The following CDKL1 variants were observed in gnomAD, a reference collection of about 807,000 sequenced individuals.
CDKL1 encodes the protein cyclin dependent kinase like 1, also known as cyclin-dependent kinase-like 1.
In CDKL1, 41 loss-of-function variants were observed where a neutral mutation model predicts 42.0. That is an observed-to-expected ratio of 0.98 (90% CI 0.76 to 1.27). The LOEUF is 1.27. Among genes scored for constraint, CDKL1 ranks in the 50% most tolerant of loss-of-function variants. The pLI is 0.00. For missense variants in CDKL1, 394 were observed against 428.4 expected, an observed-to-expected ratio of 0.92 and a Z score of 0.71; for synonymous variants, 153 against 158.6, an observed-to-expected ratio of 0.96 and a Z score of 0.26.
In CDKL1 at chr14:50,326,283, C is replaced by A; in HGVS notation, c.*3791G>T. The stretch of plus-strand genomic sequence containing the variant: ...GGTAACATTTTAATTCTAATATATT[C>A]ATTTAATATGTAAATCTATAGATAT... On this transcript the variant is annotated 3_prime_UTR_variant, in exon 10 of 10. Coordinates refer to ENST00000395834, the MANE Select transcript of CDKL1 (RefSeq NM_004196.7). The A allele has an allele frequency of 6.8e-6, 3 of 439,284 alleles. No homozygotes were observed. The highest frequency in any genetic ancestry group is 9.0e-6 in the Non-Finnish European group (3 of 332,412). The allele number at this position is 439,284 out of a possible 1,614,324, so 27.2% of individuals were successfully genotyped here. A position where few individuals can be genotyped will look rare whatever the true frequency, so the allele number is the denominator to read the frequency against.
intron 2 of CDKL1, among the ~76,000 whole-genome samples, chr14:50,393,010 G>A (rs909591496): frequency 3.3e-5 from 5 of 152,000 alleles, no homozygotes; most frequent in Non-Finnish European, 7.4e-5. Flanking sequence ...TCTCTCCCTG[G>A]CCTGTTAGCA....
In CDKL1 at chr14:50,360,529, TC is replaced by T. The variant is rs549830538; in HGVS notation, c.169-1381del. Among the ~76,000 whole-genome samples, 620 of 152,284 alleles carry T rather than the reference TC, an allele frequency of 4.1e-3. 4 individuals carry two copies. Among genetic ancestry groups the T allele is most frequent in the African/African-American group, 0.014 (580 of 41,558 alleles). On this transcript the variant is annotated intron_variant, in intron 2 of 9. Transcript: ENST00000395834. Reference sequence around the variant, plus strand: ...TTCAAGTGATTCTCTTGCCTCAGCTTCCTGAATAGCTGAGACTACAGGTGCA... The same window carrying T: ...TTCAAGTGATTCTCTTGCCTCAGCTTCTGAATAGCTGAGACTACAGGTGCA...
At chr14:50,387,078 A>G (rs1193595518) in intron 2 of CDKL1, among the ~76,000 whole-genome samples, 1 of 151,724 alleles carries the variant, frequency 6.6e-6, no homozygotes, top group Non-Finnish European at 1.5e-5. Flanking sequence ...GTGGTGATGC[A>G]TGCCTGTAGT....
Position 50,358,931 on chromosome 14 carries a change from C to T in CDKL1, c.290+97G>A, listed in dbSNP as rs185428112. On this transcript the variant is annotated intron_variant, in intron 3 of 9. Coordinates refer to ENST00000395834, the MANE Select transcript of CDKL1 (RefSeq NM_004196.7). ...CTGGGATTACTGGCATGAGCCACTG[C>T]ACCCGGCCTTACCTAGTCTTAAAAA... is the stretch of plus-strand genomic sequence containing the variant. 170 of 1,241,102 alleles carry T rather than the reference C, an allele frequency of 1.4e-4. No homozygotes were observed. The African/African-American group carries it at 1.9e-3, about 14-fold the overall frequency. The allele number at this position is 1,241,102 out of a possible 1,614,324, so 76.9% of individuals were successfully genotyped here. A position where few individuals can be genotyped will look rare whatever the true frequency, so the allele number is the denominator to read the frequency against.
At chr14:50,393,831 T>C (rs1157401591) in intron 2 of CDKL1, among the ~76,000 whole-genome samples, 1 of 152,190 alleles carries the variant, frequency 6.6e-6, no homozygotes, top group Non-Finnish European at 1.5e-5. Context: ...CACAACCCCA[T>C]CCTTTGGAGG....
At chr14:50,363,625 T>C (rs2034350613) in intron 2 of CDKL1, among the ~76,000 whole-genome samples, 1 of 152,244 alleles carries the variant, frequency 6.6e-6, no homozygotes, top group Non-Finnish European at 1.5e-5. Context: ...TAGAATTCTC[T>C]TTCCATTTTC....
chr14:50,335,295 CA>C (rs55777134), intron 7 of CDKL1, among the ~76,000 whole-genome samples: 15,057 of 54,152 alleles, frequency 0.28, 490 homozygotes, highest in Non-Finnish European at 0.29. Flanking sequence ...GACCCTGTCT[CA>C]AAAAAAAAAA....
In CDKL1 at chr14:50,334,559, T is replaced by G; in HGVS notation, c.795+6A>C. 6.4e-7 allele frequency: 1 copy of G among 1,566,026 alleles called. No individual in the cohort carries two copies. The highest frequency in any genetic ancestry group is 8.8e-7 in the Non-Finnish European group (1 of 1,136,500). On this transcript the variant is annotated splice_donor_region_variant and intron_variant, in intron 8 of 9. Coordinates refer to ENST00000395834, the MANE Select transcript of CDKL1 (RefSeq NM_004196.7). ...TTCCTGGTCTGTTGGAAGCCATGAT[T>G]TTTACCTTTAGGAGCCCCAGGGCAG...
chr14:50,332,221 C>T, intron 9 of CDKL1, 41 bp downstream of exon 9: 3 of 1,614,198 alleles, frequency 1.9e-6, no homozygotes, highest in Non-Finnish European at 2.5e-6. Context: ...TTCCAACTCT[C>T]TGTACCAGGT....
At chr14:50,349,396 A>G (rs2033828341) in intron 3 of CDKL1, among the ~76,000 whole-genome samples, 1 of 152,192 alleles carries the variant, frequency 6.6e-6, no homozygotes, top group East Asian at 1.9e-4. Context: ...GAAGCCCCTC[A>G]TGGATGCAGT....
chr14:50,382,450 C>A (rs1031603626), intron 2 of CDKL1, among the ~76,000 whole-genome samples: 2 of 150,840 alleles, frequency 1.3e-5, no homozygotes, highest in African/African-American at 2.4e-5. Flanking sequence ...GACTCCATCT[C>A]AAAAAAAAAT....
Position 50,341,239 on chromosome 14 carries a change from A to G in CDKL1, c.455-7T>C. 6.3e-7 allele frequency: 1 copy of G among 1,585,066 alleles called. No homozygotes were observed. ...TAGTAGTCACTCGGTCCAGCTAGCC[A>G]GTGATGGAACATGGAAAACAAACAG... On this transcript the variant is annotated splice_region_variant and splice_polypyrimidine_tract_variant and intron_variant, in intron 5 of 9. Coordinates refer to ENST00000395834, the MANE Select transcript of CDKL1 (RefSeq NM_004196.7).
intron 2 of CDKL1, among the ~76,000 whole-genome samples, chr14:50,382,102 T>C (rs1271611106): frequency 1.3e-5 from 2 of 152,144 alleles, no homozygotes; most frequent in Non-Finnish European, 2.9e-5. Flanking sequence ...AATATGCTTG[T>C]TGAAAGGAAA....
intron 3 of CDKL1, among the ~76,000 whole-genome samples, chr14:50,348,519 C>T (rs181126729): frequency 6.6e-6 from 1 of 152,290 alleles, no homozygotes; most frequent in Non-Finnish European, 1.5e-5. Flanking sequence ...ATTCCCCACC[C>T]CTCTTCCCTC....
At chr14:50,339,451 G>T (rs1595269919) in intron 6 of CDKL1, among the ~76,000 whole-genome samples, 2 of 145,574 alleles carry the variant, frequency 1.4e-5, no homozygotes, top group African/African-American at 5.0e-5. Context: ...TATTGCCCTA[G>T]CACTTATAAC....
In CDKL1 at chr14:50,395,984, A is replaced by G; in HGVS notation, c.-116T>C. 1 of 1,096,402 alleles carries G rather than the reference A, an allele frequency of 9.1e-7. No individual in the cohort carries two copies. The highest frequency in any genetic ancestry group is 1.4e-5 in the South Asian group (1 of 71,228). The allele number at this position is 1,096,402 out of a possible 1,614,324, so 67.9% of individuals were successfully genotyped here. On this transcript the variant is annotated 5_prime_UTR_variant, in exon 2 of 10. Transcript: ENST00000395834. ...CAGATCACCTGAGGTCAGGAGTTCG[A>G]GACCAGTCTGGCCAACATACTGAAA...
intron 2 of CDKL1, among the ~76,000 whole-genome samples, chr14:50,374,512 A>G (rs1381618687): frequency 1.3e-5 from 2 of 152,216 alleles, no homozygotes; most frequent in African/African-American, 4.8e-5. Flanking sequence ...TGTATGAAAC[A>G]ACCTCACCAA....
In CDKL1 at chr14:50,334,302, G is replaced by A. The variant is rs373591881; in HGVS notation, c.795+263C>T. The A allele has an allele frequency of 3.2e-4, 89 of 282,216 alleles. 1 individual carries two copies. Among genetic ancestry groups the A allele is most frequent in the African/African-American group, 1.5e-3 (69 of 45,128 alleles). The allele number at this position is 282,216 out of a possible 1,614,324, so 17.5% of individuals were successfully genotyped here. ...CTCCTGAGTAGTCGGGATTACAGGCGAGCGCCACCACGCCTAATTTTTTTT... is the reference window on the plus strand; with the variant it reads ...CTCCTGAGTAGTCGGGATTACAGGCAAGCGCCACCACGCCTAATTTTTTTT... On this transcript the variant is annotated intron_variant, in intron 8 of 9. Transcript: ENST00000395834.
Position 50,341,149 on chromosome 14 carries a change from C to T in CDKL1, c.538G>A (p.Gly180Ser), listed in dbSNP as rs767412497. The stretch of plus-strand genomic sequence containing the variant: ...ATTGCCCAAACATCCACCGGGGGGC[C>T]GTACTGCGTGTCCCCCACCAGCAGC... ...PELLVGDTQY[G>S]PPVDVWAIGC... Residue 180 changes from glycine to serine, a missense_variant, in exon 6 of 10, where the codon GGC (glycine) becomes AGC (serine). By Grantham distance (56) the Gly-to-Ser change is moderately conservative. Transcript: ENST00000395834. 14 of 1,614,034 alleles carry T rather than the reference C, an allele frequency of 8.7e-6. No homozygotes were observed. The highest frequency in any genetic ancestry group is 3.3e-4 in the Middle Eastern group (2 of 6,084).
Sources: allele counts gnomAD v4.1 joint callset (sites outside exome capture counted in the v4.1 genomes callset), GRCh38; gene constraint gnomAD v4.1.1; transcripts MANE v1.5; gene names NCBI Gene and HGNC (gene_info 2026-07-23, HGNC 2026-07-21).